MAPK8IP3: variants seen among roughly 807,000 people sequenced by gnomAD.
MAPK8IP3 encodes C-Jun-amino-terminal kinase-interacting protein 3.
Under a neutral mutation model 157.8 loss-of-function variants are expected in MAPK8IP3, and 49 were observed. The ratio of observed to expected loss-of-function variants is 0.31; its 90% CI spans 0.25 to 0.39. The LOEUF (loss-of-function observed/expected upper bound fraction) is 0.39, where lower values mean the gene tolerates loss of function less well. Among genes scored for constraint, MAPK8IP3 ranks in the 10% least tolerant of loss-of-function variants. MAPK8IP3 has a pLI of 1.00. For missense variants in MAPK8IP3, 1,478 were observed against 1,889.4 expected, an observed-to-expected ratio of 0.78 and a Z score of 4.04; for synonymous variants, 897 against 777.7, an observed-to-expected ratio of 1.15 and a Z score of -2.55.
At chr16:1,712,952 C>T (rs533339076) in intron 1 of MAPK8IP3, among the ~76,000 whole-genome samples, 3 of 152,354 alleles carry the variant, frequency 2.0e-5, no homozygotes, top group East Asian at 1.9e-4. Flanking sequence ...GGGGCCGGCA[C>T]CCTTTGGTTC....
Position 1,755,850 on chromosome 16 carries a change from CAAA to C in MAPK8IP3, c.1217-2282_1217-2280del, listed in dbSNP as rs59789858. Among the ~76,000 whole-genome samples, 670 of 69,232 alleles carry C rather than the reference CAAA, an allele frequency of 9.7e-3. 6 individuals carry two copies. Among genetic ancestry groups the C allele is most frequent in the African/African-American group, 0.027 (621 of 23,302 alleles). 45.4% of individuals were successfully genotyped at this position (69,232 alleles called of 152,430 possible). ...CTGGTGACAGAGTGAGAGTCTTTCT[CAAA>C]AAAAAAAAAAAAAAAGGAAAAGGAA... On this transcript the variant is annotated intron_variant, in intron 8 of 31. Coordinates refer to ENST00000610761, the MANE Select transcript of MAPK8IP3 (RefSeq NM_001318852.2).
At chr16:1,750,508 C>T (rs536812343) in intron 8 of MAPK8IP3, among the ~76,000 whole-genome samples, 7 of 151,856 alleles carry the variant, frequency 4.6e-5, no homozygotes, top group African/African-American at 1.2e-4. Flanking sequence ...CCACCATGCC[C>T]GGCCGATAAT....
chr16:1,750,199 A>G (rs1418620000), intron 8 of MAPK8IP3, among the ~76,000 whole-genome samples: 1 of 150,074 alleles, frequency 6.7e-6, no homozygotes, highest in African/African-American at 2.5e-5. Context: ...TAATTCAGAT[A>G]ATGTTTATTT....
intron 1 of MAPK8IP3, among the ~76,000 whole-genome samples, chr16:1,712,059 TTTTTTTTTTTTTTC>T (rs1157338650): frequency 1.2e-4 from 13 of 110,324 alleles, no homozygotes; most frequent in Non-Finnish European, 2.5e-4. Context: ...TTCTTTTTTT[TTTTTTTTTTTTTTC>T]TTTTTTGAGA....
rs79717275 is a variant in MAPK8IP3, at chr16:1,762,767, C to T, written c.1727+36C>T. ...GGCCCCTGGGGGATGTGGGCAGCAGCTGCAGGGGAAGGGGCAGGGAGGTTC... is the reference window on the plus strand; with the variant it reads ...GGCCCCTGGGGGATGTGGGCAGCAGTTGCAGGGGAAGGGGCAGGGAGGTTC... On this transcript the variant is annotated intron_variant, in intron 15 of 31. Coordinates refer to ENST00000610761, the MANE Select transcript of MAPK8IP3 (RefSeq NM_001318852.2). 8.5e-4 allele frequency: 1,352 copies of T among 1,588,698 alleles called. 7 individuals carry two copies. In the African/African-American group the frequency reaches 0.012, roughly 15 times the overall value.
At chr16:1,738,971 CGTCCGT>C (rs2040361645) in intron 4 of MAPK8IP3, among the ~76,000 whole-genome samples, 1 of 137,752 alleles carries the variant, frequency 7.3e-6, no homozygotes, top group South Asian at 2.5e-4. Context: ...TCTGTGTGAC[CGTCCGT>C]GTGAGCATGT....
chr16:1,759,810 C>A, intron 10 of MAPK8IP3, 148 bp from the exon 11 acceptor site: 1 of 692,714 alleles, frequency 1.4e-6, no homozygotes, highest in Non-Finnish European at 2.5e-6. Context: ...ATGAGCCCCG[C>A]CCTTCACGGC....
chr16:1,769,050 A>G lies in MAPK8IP3; in HGVS notation c.*226A>G. 1.7e-6 allele frequency: 1 copy of G among 585,902 alleles called. No individual in the cohort carries two copies. Among genetic ancestry groups the G allele is most frequent in the Non-Finnish European group, 3.0e-6 (1 of 331,988 alleles). The allele number at this position is 585,902 out of a possible 1,614,324, so 36.3% of individuals were successfully genotyped here. On this transcript the variant is annotated 3_prime_UTR_variant, in exon 32 of 32. Transcript: ENST00000610761. ...CACCCGAGGGGAAGATGCTCTCGGG[A>G]CAGTTTCCCGGGCAGCTCCTGGCCA...
rs1413945052 is a variant in MAPK8IP3 at position 1,767,439 on chromosome 16, G to A, written c.3238-125G>A. 15 of 1,497,874 alleles carry A rather than the reference G, an allele frequency of 1.0e-5. No homozygotes were observed. In the East Asian group the frequency reaches 2.3e-4, roughly 23 times the overall value. 92.8% of individuals were successfully genotyped at this position (1,497,874 alleles called of 1,614,324 possible). A position where few individuals can be genotyped will look rare whatever the true frequency, so the allele number is the denominator to read the frequency against. On this transcript the variant is annotated intron_variant, in intron 26 of 31. Coordinates refer to ENST00000610761, the MANE Select transcript of MAPK8IP3 (RefSeq NM_001318852.2). ...ACCTATGACTCAGGCTCGAACAGGCGCAAAGCAGGCGCTGGCTGGGAGGTC... is the reference window on the plus strand; with the variant it reads ...ACCTATGACTCAGGCTCGAACAGGCACAAAGCAGGCGCTGGCTGGGAGGTC...
At position 1,706,568 on chromosome 16, in the gene MAPK8IP3, G is replaced by A; in HGVS notation, c.229G>A (p.Glu77Lys). The A allele has an allele frequency of 6.2e-7, 1 of 1,612,864 alleles. No individual in the cohort carries two copies. Among genetic ancestry groups the A allele is most frequent in the Non-Finnish European group, 8.5e-7 (1 of 1,179,528 alleles). ...DSVLSENQEH[E>K]VELELLREDN... The stretch of plus-strand genomic sequence containing the variant: ...GGTGCTCAGCGAGAACCAGGAGCAC[G>A]AGGTGGAGCTGGAGCTGCTGCGCGA... The change falls in exon 1 of 32, where the codon GAG (glutamate) becomes AAG (lysine). Residue 77 changes from glutamate to lysine, a missense_variant. Coordinates refer to ENST00000610761, the MANE Select transcript of MAPK8IP3 (RefSeq NM_001318852.2). The surrounding 1 kb of genome is among the most constrained non-coding windows in gnomAD (Gnocchi z 5.1).
chr16:1,732,533 CAG>C, intron 4 of MAPK8IP3, among the ~76,000 whole-genome samples: 1 of 152,262 alleles, frequency 6.6e-6, no homozygotes, highest in Non-Finnish European at 1.5e-5. Flanking sequence ...GTGGAGCCTG[CAG>C]CAGCAGGTCC....
intron 8 of MAPK8IP3, among the ~76,000 whole-genome samples, chr16:1,749,806 G>C (rs2041187596): frequency 6.6e-6 from 1 of 152,218 alleles, no homozygotes; most frequent in Non-Finnish European, 1.5e-5. Context: ...CTGGGGCAGG[G>C]GGACCTCCAG....
chr16:1,706,661 C>A lies in MAPK8IP3; in HGVS notation c.318+4C>A, dbSNP rs1567128597. On this transcript the variant is annotated splice_donor_region_variant and intron_variant, in intron 1 of 31. Transcript: ENST00000610761. This position sits in a 1 kb window ranked among gnomAD's most constrained non-coding sequence, Gnocchi z 5.1. ...GCTGCGCAGGCAGGCGGAGGAGGTG[C>A]GTGGGCCGCGGGACCCGCCCGCATC... 5 of 1,532,304 alleles carry A rather than the reference C, an allele frequency of 3.3e-6. No individual in the cohort carries two copies. The highest frequency in any genetic ancestry group is 4.4e-6 in the Non-Finnish European group (5 of 1,139,780). 94.9% of individuals were successfully genotyped at this position (1,532,304 alleles called of 1,614,324 possible).
At chr16:1,734,183 T>C (rs2039502040) in intron 4 of MAPK8IP3, among the ~76,000 whole-genome samples, 1 of 152,224 alleles carries the variant, frequency 6.6e-6, no homozygotes, top group African/African-American at 2.4e-5. Flanking sequence ...CCACAGCACG[T>C]GAGAAGACGT....
At chr16:1,707,011 A>G (rs2037444462) in intron 1 of MAPK8IP3, among the ~76,000 whole-genome samples, 1 of 143,582 alleles carries the variant, frequency 7.0e-6, no homozygotes, top group African/African-American at 2.7e-5. Context: ...GCCTGGCGTC[A>G]TCCCCGGGGA....
chr16:1,762,251 T>C (rs1476868981), intron 13 of MAPK8IP3, 100 bp from the exon 14 acceptor site: 2 of 1,410,402 alleles, frequency 1.4e-6, no homozygotes, highest in African/African-American at 2.9e-5. Flanking sequence ...TGAAGGAAAT[T>C]GGCACTGAGA....
intron 1 of MAPK8IP3, among the ~76,000 whole-genome samples, chr16:1,720,564 A>T (rs1054018960): frequency 6.6e-6 from 1 of 152,204 alleles, no homozygotes; most frequent in African/African-American, 2.4e-5. Flanking sequence ...CTCTACACAC[A>T]CACATACAAA....
At position 1,766,256 on chromosome 16, in the gene MAPK8IP3, C is replaced by A. The variant is rs748743116; in HGVS notation, c.2666C>A (p.Pro889Gln). The change falls in exon 22 of 32, where the codon CCG becomes CAG. Residue 889 changes from proline (P) to glutamine (Q), a missense_variant. By Grantham distance (76) the Pro-to-Gln change is moderately conservative. Transcript: ENST00000610761. ...VATIANGKVN[P>Q]SQSTEEATEA... ...ACCATCGCCAACGGGAAGGTCAACCCGTCCCAGTCCACAGAGGAGGCCACA... is the reference window on the plus strand; with the variant it reads ...ACCATCGCCAACGGGAAGGTCAACCAGTCCCAGTCCACAGAGGAGGCCACA... 6.2e-7 allele frequency: 1 copy of A among 1,612,028 alleles called. No individual in the cohort carries two copies. The highest frequency in any genetic ancestry group is 1.3e-5 in the African/African-American group (1 of 75,036).
At position 1,767,930 on chromosome 16, in the gene MAPK8IP3, G is replaced by A; in HGVS notation, c.3523+12G>A. 6.2e-7 allele frequency: 1 copy of A among 1,609,742 alleles called. No homozygotes were observed. The highest frequency in any genetic ancestry group is 8.5e-7 in the Non-Finnish European group (1 of 1,178,870). On this transcript the variant is annotated intron_variant, in intron 28 of 31. Transcript: ENST00000610761. ...CCCCCTGACAGAGAGTGAGTGGCCT[G>A]CACACCTGCAGGGGCAGTGGTGCTG...
Sources: gnomAD v4.1 joint callset for allele counts (sites outside exome capture counted in the v4.1 genomes callset) on GRCh38, gnomAD v4.1.1 for gene constraint, Gnocchi (gnomAD v3.1) non-coding constraint, MANE v1.5 for transcripts, NCBI Gene and HGNC (gene_info 2026-07-23, HGNC 2026-07-21) for gene names.